The following TAS2R1 variants were observed in gnomAD, a reference collection of about 807,000 sequenced individuals.
The protein encoded by TAS2R1 is taste 2 receptor member 1.
For missense variants in TAS2R1, 370 were observed against 353.4 expected, an observed-to-expected ratio of 1.05 and a Z score of -0.38; for synonymous variants, 141 against 134.2, an observed-to-expected ratio of 1.05 and a Z score of -0.35.
the TAS2R1 span, among the ~76,000 whole-genome samples, chr5:9,727,221 A>G: frequency 6.6e-6 from 1 of 152,216 alleles, no homozygotes; most frequent in Non-Finnish European, 1.5e-5. Flanking sequence ...TTAGGCCTCA[A>G]AGAGATGAGG....
the TAS2R1 span, among the ~76,000 whole-genome samples, chr5:9,760,468 C>A: frequency 1.3e-5 from 2 of 152,138 alleles, no homozygotes; most frequent in African/African-American, 2.4e-5. Context: ...AAATAAAATA[C>A]AACCAAGTGT....
rs139538133 is a variant in TAS2R1 at position 9,629,732 on chromosome 5, C to T, written c.301G>A (p.Val101Ile). ...LELWLATWLG[V>I]FYCAKVASVR... is the part of the protein sequence containing the mutation. The stretch of plus-strand genomic sequence containing the variant: ...CTGGCAACCTTGGCACAATAGAAAA[C>T]GCCGAGCCATGTGGCAAGCCAAAGT... Residue 101 changes from valine (V) to isoleucine (I), a missense_variant, in exon 1 of 1, where the codon GTT (valine) becomes ATT (isoleucine). Coordinates refer to ENST00000382492, the MANE Select transcript of TAS2R1 (RefSeq NM_019599.3). The T allele has an allele frequency of 1.3e-4, 212 of 1,613,812 alleles. No homozygotes were observed. The highest frequency in any genetic ancestry group is 2.0e-4 in the Admixed American group (12 of 59,964).
chr5:9,656,242 C>T lies in TAS2R1; in HGVS notation c.-81+3179G>A, dbSNP rs187670363. 3.3e-5 allele frequency among the ~76,000 whole-genome samples: 5 copies of T among 152,250 alleles called. No individual in the cohort carries two copies. In the East Asian group the frequency reaches 5.8e-4, roughly 18 times the overall value. ...ATTGGGAAAAGCTAAAGAAAATTAT[C>T]GAGTATCAGCAAGATTTAAGTTGTG... is the stretch of plus-strand genomic sequence containing the variant. On this transcript the variant is annotated intron_variant, in intron 2 of 2. Transcript: ENST00000506620.
the TAS2R1 span, among the ~76,000 whole-genome samples, chr5:9,828,120 TTTTA>T: frequency 5.3e-5 from 8 of 152,196 alleles, no homozygotes; most frequent in African/African-American, 1.7e-4. Context: ...TCTTTTTTAT[TTTTA>T]TTTATTTATT....
chr5:9,714,720 T>C (rs1354182730), upstream of TAS2R1, among the ~76,000 whole-genome samples: 1 of 152,242 alleles, frequency 6.6e-6, no homozygotes, highest in Non-Finnish European at 1.5e-5. Context: ...GCTGAAGCTT[T>C]AAATTGAGAA....
At chr5:9,871,158 A>C in the TAS2R1 span, among the ~76,000 whole-genome samples, 2 of 152,170 alleles carry the variant, frequency 1.3e-5, no homozygotes, top group African/African-American at 2.4e-5. Context: ...AATCAGGAGA[A>C]TGTGAGCAAA....
At chr5:9,719,882 CA>C in the TAS2R1 span, among the ~76,000 whole-genome samples, 1 of 141,220 alleles carries the variant, frequency 7.1e-6, no homozygotes, top group African/African-American at 2.6e-5. Flanking sequence ...CGCACCACTG[CA>C]CTCCAGCCTG....
chr5:9,827,884 T>C, the TAS2R1 span, among the ~76,000 whole-genome samples: 13 of 152,336 alleles, frequency 8.5e-5, no homozygotes, highest in Non-Finnish European at 1.3e-4. Flanking sequence ...CAAGTTTATG[T>C]ACTTATATTT....
chr5:9,765,543 T>C, the TAS2R1 span: 1 of 151,832 alleles, frequency 6.6e-6, no homozygotes, highest in East Asian at 1.9e-4. Context: ...AGCAATTCAA[T>C]TGCTGCTTCT....
the TAS2R1 span, among the ~76,000 whole-genome samples, chr5:9,865,713 G>C: frequency 1.3e-5 from 2 of 152,142 alleles, no homozygotes; most frequent in Non-Finnish European, 2.9e-5. Flanking sequence ...TCACTTTAAC[G>C]AGATTATTCA....
At chr5:9,722,176 C>G in the TAS2R1 span, among the ~76,000 whole-genome samples, 4 of 152,226 alleles carry the variant, frequency 2.6e-5, no homozygotes, top group African/African-American at 9.6e-5. Context: ...CTCAATCCAA[C>G]AGCCCAGGAG....
chr5:9,811,107 A>T, the TAS2R1 span, among the ~76,000 whole-genome samples: 1 of 152,212 alleles, frequency 6.6e-6, no homozygotes, highest in Non-Finnish European at 1.5e-5. Context: ...TGATTAGGTC[A>T]TGAGAGTAAC....
chr5:9,767,145 T>A, the TAS2R1 span, among the ~76,000 whole-genome samples: 2 of 152,038 alleles, frequency 1.3e-5, no homozygotes, highest in Non-Finnish European at 2.9e-5. Flanking sequence ...ATAAAGCCTA[T>A]CATTTCCTCC....
At chr5:9,729,315 G>T in the TAS2R1 span, among the ~76,000 whole-genome samples, 1 of 7,920 alleles carries the variant, frequency 1.3e-4, no homozygotes, top group Non-Finnish European at 2.2e-4. Flanking sequence ...TCACGAATGA[G>T]GGTCTGTCCT....
At chr5:9,754,335 T>C in the TAS2R1 span, among the ~76,000 whole-genome samples, 1 of 152,190 alleles carries the variant, frequency 6.6e-6, no homozygotes, top group Admixed American at 6.5e-5. Flanking sequence ...GCATTCCCTT[T>C]GAAAACTGGC....
the TAS2R1 span, among the ~76,000 whole-genome samples, chr5:9,814,583 T>C: frequency 6.6e-6 from 1 of 152,222 alleles, no homozygotes; most frequent in Non-Finnish European, 1.5e-5. Context: ...GCAAGCTGAT[T>C]GGTCAATCCT....
chr5:9,760,965 G>C, the TAS2R1 span: 1 of 152,166 alleles, frequency 6.6e-6, no homozygotes, highest in East Asian at 1.9e-4. Context: ...AGCTAAGCAG[G>C]GTTGGGCCTG....
chr5:9,829,858 G>GA, the TAS2R1 span, among the ~76,000 whole-genome samples: 61 of 151,860 alleles, frequency 4.0e-4, no homozygotes, highest in African/African-American at 1.4e-3. Context: ...AGCTTCAGAA[G>GA]AAAAAAAAGA....
At chr5:9,819,776 A>G in the TAS2R1 span, among the ~76,000 whole-genome samples, 6,782 of 152,190 alleles carry the variant, frequency 0.045, 218 homozygotes, top group Non-Finnish European at 0.066. Context: ...TTCCAACCTT[A>G]CTTTGCAAGA....
Sources: gnomAD v4.1 joint callset for allele counts (sites outside exome capture counted in the v4.1 genomes callset) on GRCh38, gnomAD v4.1.1 for gene constraint, MANE v1.5 for transcripts, NCBI Gene and HGNC (gene_info 2026-07-23, HGNC 2026-07-21) for gene names.